The following MAZ variants were observed in gnomAD, a reference collection of about 807,000 sequenced individuals.
MAZ encodes MYC associated zinc finger protein, also known as myc-associated zinc finger protein.
A neutral mutation model predicts 32.7 loss-of-function variants in MAZ; 4 were observed. The observed-to-expected ratio is 0.12, with a 90% CI of 0.06 to 0.28. The LOEUF (loss-of-function observed/expected upper bound fraction) is 0.28. MAZ is among the 10% of genes least tolerant of loss of function. MAZ has a pLI of 1.00. For missense variants in MAZ, 763 were observed against 667.2 expected, an observed-to-expected ratio of 1.14 and a Z score of -1.58; for synonymous variants, 510 against 297.6, an observed-to-expected ratio of 1.71 and a Z score of -7.35.
At position 29,807,792 on chromosome 16, in the gene MAZ, C is replaced by G; in HGVS notation, c.1007C>G (p.Pro336Arg). The change falls in exon 2 of 5, where the codon CCC becomes CGC. Residue 336 changes from proline to arginine, a missense_variant. Transcript: ENST00000322945. ...TCACATGACGGCGCTGTGCACAAGC[C>G]CTACAACTGCTCCCACTGTGGCAAG... ...VRSHDGAVHK[P>R]YNCSHCGKSF... 1 of 1,610,940 alleles carries G rather than the reference C, an allele frequency of 6.2e-7. No homozygotes were observed. The highest frequency in any genetic ancestry group is 1.1e-5 in the South Asian group (1 of 91,086).
intron 4 of MAZ, chr16:29,809,784 T>C: frequency 7.9e-7 from 1 of 1,270,482 alleles, no homozygotes; most frequent in Non-Finnish European, 1.0e-6. Flanking sequence ...GGGGCATGGC[T>C]GGGGGGCGGG....
Position 29,806,612 on chromosome 16 carries a change from C to T in MAZ, c.-90C>T, listed in dbSNP as rs1899466983. On this transcript the variant is annotated 5_prime_UTR_variant, in exon 1 of 5. Coordinates refer to ENST00000322945, the MANE Select transcript of MAZ (RefSeq NM_002383.4). ...TGCGTTCGGCGCGGCCCAGCCCGGC[C>T]GGCCGGGGGCGGCGCCCCGAGCCCG... 5 of 966,982 alleles carry T rather than the reference C, an allele frequency of 5.2e-6. No homozygotes were observed. In the South Asian group the frequency reaches 1.9e-4, roughly 37 times the overall value. 59.9% of individuals were successfully genotyped at this position (966,982 alleles called of 1,614,324 possible). A position where few individuals can be genotyped will look rare whatever the true frequency, so the allele number is the denominator to read the frequency against.
chr16:29,808,858 C>T (rs1178405263), intron 4 of MAZ, 117 bp downstream of exon 4: 2 of 1,004,082 alleles, frequency 2.0e-6, no homozygotes, highest in Non-Finnish European at 2.9e-6. Flanking sequence ...GTCTAGATTC[C>T]TACAAGAGGT....
Position 29,810,668 on chromosome 16 carries a change from T to C in MAZ, c.*437T>C, listed in dbSNP as rs1899900520. On this transcript the variant is annotated 3_prime_UTR_variant, in exon 5 of 5. Transcript: ENST00000322945. ...GAGTTGGTGCTTTCTTTTCCTTTTT[T>C]TTTTTTTTCCAGGGGGAGGGAGGAG... 1.9e-6 allele frequency: 1 copy of C among 517,828 alleles called. No homozygotes were observed. The highest frequency in any genetic ancestry group is 2.0e-5 in the South Asian group (1 of 49,216). 32.1% of individuals were successfully genotyped at this position (517,828 alleles called of 1,614,324 possible). A position where few individuals can be genotyped will look rare whatever the true frequency, so the allele number is the denominator to read the frequency against.
chr16:29,807,967 G>T, intron 2 of MAZ, 139 bp downstream of exon 2: 3 of 1,428,808 alleles, frequency 2.1e-6, no homozygotes, highest in African/African-American at 1.4e-5. Flanking sequence ...GAGGGAGGAA[G>T]CCTCTCCCGG....
intron 4 of MAZ, 163 bp downstream of exon 4, chr16:29,808,904 A>G: frequency 3.1e-6 from 2 of 637,570 alleles, no homozygotes; most frequent in South Asian, 1.9e-5. Flanking sequence ...AATGAACATC[A>G]TTAGACTCTA....
In MAZ at chr16:29,808,244, A is replaced by C; in HGVS notation, c.1058A>C (p.Asn353Thr). Residue 353 changes from asparagine to threonine, a missense_variant, in exon 3 of 5, where the codon AAC becomes ACC. Physicochemically the swap from Asn to Thr is moderately conservative, Grantham distance 65. Coordinates refer to ENST00000322945, the MANE Select transcript of MAZ (RefSeq NM_002383.4). ...CGTGTCCCCAGGCCGGATCACCTCAACAGTCACGTCAGACAAGTGCACTCA... is the reference window on the plus strand; with the variant it reads ...CGTGTCCCCAGGCCGGATCACCTCACCAGTCACGTCAGACAAGTGCACTCA... ...GKSFSRPDHL[N>T]SHVRQVHSTE... 1 of 1,614,066 alleles carries C rather than the reference A, an allele frequency of 6.2e-7. No homozygotes were observed. Among genetic ancestry groups the C allele is most frequent in the South Asian group, 1.1e-5 (1 of 91,074 alleles).
chr16:29,809,460 C>A (rs1899778241), intron 4 of MAZ: 2 of 874,862 alleles, frequency 2.3e-6, no homozygotes, highest in South Asian at 2.9e-5. Context: ...AGGAGGGCAT[C>A]CCCCGCCTAG....
chr16:29,810,330 C>T lies in MAZ; in HGVS notation c.*99C>T. The T allele has an allele frequency of 8.2e-7, 1 of 1,219,772 alleles. No homozygotes were observed. The highest frequency in any genetic ancestry group is 1.2e-6 in the Non-Finnish European group (1 of 851,790). 75.6% of individuals were successfully genotyped at this position (1,219,772 alleles called of 1,614,324 possible). Reference sequence around the variant, plus strand: ...TTCCCACCAACTCCTATTTCCCTACCAACCAAGGAGCCTCCAGAAGGAAAG... The same window carrying T: ...TTCCCACCAACTCCTATTTCCCTACTAACCAAGGAGCCTCCAGAAGGAAAG... On this transcript the variant is annotated 3_prime_UTR_variant, in exon 5 of 5. Coordinates refer to ENST00000322945, the MANE Select transcript of MAZ (RefSeq NM_002383.4).
rs746646924 is a variant in MAZ at position 29,806,905 on chromosome 16, C to T, written c.192+12C>T. The T allele has an allele frequency of 4.3e-5, 55 of 1,277,638 alleles. No individual in the cohort carries two copies. Among genetic ancestry groups the T allele is most frequent in the Non-Finnish European group, 5.3e-5 (53 of 1,000,840 alleles). 79.1% of individuals were successfully genotyped at this position (1,277,638 alleles called of 1,614,324 possible). On this transcript the variant is annotated intron_variant, in intron 1 of 4. Transcript: ENST00000322945. ...AGAGTCCATTCCAGGTGAGTAGGGC[C>T]GGCCGCGGCGGCCCGGGCTGGGGGG...
In MAZ at chr16:29,811,013, C is replaced by T. The variant is rs750581979; in HGVS notation, c.*782C>T. On this transcript the variant is annotated 3_prime_UTR_variant, in exon 5 of 5. Transcript: ENST00000322945. ...TCCCCTCTTCCACCCCAGCTCCAGC[C>T]CTGGTCTTGTCTTTTCATCCCTCTT... The T allele has an allele frequency of 6.6e-6, 3 of 453,198 alleles. No individual in the cohort carries two copies. The highest frequency in any genetic ancestry group is 1.3e-5 in the Non-Finnish European group (3 of 225,380). The allele number at this position is 453,198 out of a possible 1,614,324, so 28.1% of individuals were successfully genotyped here. A position where few individuals can be genotyped will look rare whatever the true frequency, so the allele number is the denominator to read the frequency against.
In MAZ at chr16:29,807,574, T is replaced by C; in HGVS notation, c.789T>C (p.Gly263=). 2 of 1,606,824 alleles carry C rather than the reference T, an allele frequency of 1.2e-6. No homozygotes were observed. The highest frequency in any genetic ancestry group is 4.5e-5 in the East Asian group (2 of 44,514). ...GCGGCGCTGCCGCAGTGGCCGCCGG[T>C]GGCGTGGTGACCACGACCGCCTCGG... ...AGGGAAAVAA[G]GVVTTTASGK... is the part of the protein sequence containing the mutation. Residue 263 remains glycine, a synonymous_variant, in exon 2 of 5, where the codon GGT becomes GGC. Coordinates refer to ENST00000322945, the MANE Select transcript of MAZ (RefSeq NM_002383.4).
chr16:29,806,266 G>T (rs1596864859), upstream of MAZ: 1 of 172,986 alleles, frequency 5.8e-6, no homozygotes, highest in Non-Finnish European at 9.9e-6. Context: ...CCCTCCGCGC[G>T]CCCGGTGCGC....
Position 29,807,559 on chromosome 16 carries a change from C to T in MAZ, c.774C>T (p.Ala258=). The T allele has an allele frequency of 1.2e-6, 2 of 1,605,232 alleles. No homozygotes were observed. The highest frequency in any genetic ancestry group is 2.2e-5 in the South Asian group (2 of 90,682). ...GGEAGAGGGA[A]AVAAGGVVTT... The stretch of plus-strand genomic sequence containing the variant: ...AGGCGGGTGCCGGCGGCGGCGCTGC[C>T]GCAGTGGCCGCCGGTGGCGTGGTGA... Residue 258 remains alanine (A), a synonymous_variant, in exon 2 of 5, where the codon GCC becomes GCT. Transcript: ENST00000322945.
chr16:29,807,543 C>T lies in MAZ; in HGVS notation c.758C>T (p.Ala253Val). The change falls in exon 2 of 5, where the codon GCC becomes GTC. Residue 253 changes from alanine to valine, a missense_variant. Ala to Val is a moderately conservative substitution (Grantham distance 64). Transcript: ENST00000322945. ...GAGGGGGEAG[A>V]GGGAAAVAAG... ...GGCGGGGGAGGGGGAGAGGCGGGTG[C>T]CGGCGGCGGCGCTGCCGCAGTGGCC... 5.6e-6 allele frequency: 9 copies of T among 1,596,220 alleles called. No individual in the cohort carries two copies. The highest frequency in any genetic ancestry group is 1.3e-5 in the African/African-American group (1 of 74,690).
At chr16:29,808,421 C>A in intron 3 of MAZ, 128 bp downstream of exon 3, 1 of 1,050,640 alleles carries the variant, frequency 9.5e-7, no homozygotes, top group Admixed American at 2.0e-5. Context: ...TTTCTCATCC[C>A]TTCTTCAAGG....
At position 29,806,534 on chromosome 16, in the gene MAZ, T is replaced by A; in HGVS notation, c.-168T>A. The A allele has an allele frequency of 1.3e-6, 1 of 779,884 alleles. No individual in the cohort carries two copies. The highest frequency in any genetic ancestry group is 1.5e-6 in the Non-Finnish European group (1 of 655,136). The allele number at this position is 779,884 out of a possible 1,614,324, so 48.3% of individuals were successfully genotyped here. ...TCCGCGGCCCGCAAGGCGCCCTCTT[T>A]TCCTCCCTCCCGCCGGCCGGGGTGC... On this transcript the variant is annotated 5_prime_UTR_variant, in exon 1 of 5. Transcript: ENST00000322945.
rs576787515 is a variant in MAZ, at chr16:29,807,305, G to A, written c.520G>A (p.Ala174Thr). The change falls in exon 2 of 5, where the codon GCC (alanine) becomes ACC (threonine). Residue 174 changes from alanine to threonine, a missense_variant. Coordinates refer to ENST00000322945, the MANE Select transcript of MAZ (RefSeq NM_002383.4). ...VVAPTSTVAV[A>T]PVASALEKKT... ...AGCCCCAACCTCGACGGTCGCCGTG[G>A]CCCCGGTCGCGTCTGCCTTGGAGAA... 3.2e-6 allele frequency: 5 copies of A among 1,582,432 alleles called. No individual in the cohort carries two copies. Among genetic ancestry groups the A allele is most frequent in the Non-Finnish European group, 3.4e-6 (4 of 1,166,458 alleles).
intron 3 of MAZ, 138 bp from the exon 4 acceptor site, chr16:29,808,432 C>T (rs1018412660): frequency 2.0e-5 from 20 of 999,626 alleles, no homozygotes; most frequent in East Asian, 7.8e-5. Flanking sequence ...TTCTTCAAGG[C>T]CTCATCATGT....
Sources: gnomAD v4.1 joint callset for allele counts on GRCh38, gnomAD v4.1.1 for gene constraint, MANE v1.5 for transcripts, NCBI Gene and HGNC (gene_info 2026-07-23, HGNC 2026-07-21) for gene names.